TWF2: variants seen among roughly 807,000 people sequenced by gnomAD.
TWF2 encodes the protein twinfilin actin binding protein 2.
TWF2 carries 15 observed loss-of-function variants against 45.1 expected under a neutral mutation model. The ratio of observed to expected loss-of-function variants is 0.33; its 90% CI spans 0.22 to 0.51. The LOEUF (loss-of-function observed/expected upper bound fraction) is 0.51. Among genes scored for constraint, TWF2 ranks in the 20% least tolerant of loss-of-function variants. TWF2 has a pLI of 0.97. For synonymous variants in TWF2, 177 were observed against 195.8 expected, an observed-to-expected ratio of 0.90 and a Z score of 0.80; for missense variants, 423 against 469.1, an observed-to-expected ratio of 0.90 and a Z score of 0.91.
intron 1 of TWF2, 137 bp downstream of exon 1, chr3:52,238,855 G>A (rs1040778562): frequency 1.9e-5 from 24 of 1,268,240 alleles, no homozygotes; most frequent in Non-Finnish European, 2.2e-5. Flanking sequence ...GCCCACCCCA[G>A]GCGACCCGCG....
intron 2 of TWF2, among the ~76,000 whole-genome samples, chr3:52,233,711 G>A (rs1441537168): frequency 6.6e-6 from 1 of 152,086 alleles, no homozygotes; most frequent in Non-Finnish European, 1.5e-5. Context: ...GGCGGATCAC[G>A]AAGTCAGGAG....
intron 2 of TWF2, among the ~76,000 whole-genome samples, chr3:52,232,666 GACCCTGGAT>G (rs1451910753): frequency 6.6e-6 from 1 of 152,194 alleles, no homozygotes; most frequent in Non-Finnish European, 1.5e-5. Context: ...GCTCCTACCA[GACCCTGGAT>G]AAACAGACAT....
intron 2 of TWF2, among the ~76,000 whole-genome samples, chr3:52,232,444 C>A (rs1240781357): frequency 6.6e-6 from 1 of 152,228 alleles, no homozygotes. Context: ...ACGGACACCA[C>A]ACCCCTGGGT....
At position 52,239,025 on chromosome 3, in the gene TWF2, G is replaced by A. The variant is rs370508181; in HGVS notation, c.-9C>T. On this transcript the variant is annotated 5_prime_UTR_variant, in exon 1 of 9. Coordinates refer to ENST00000305533, the MANE Select transcript of TWF2 (RefSeq NM_007284.4). ...CCCGTTTGGTGCGCCATGGCTCGGC[G>A]CTTCGCTCCGTCCGCGCCGTCGGAG... The A allele has an allele frequency of 1.4e-5, 23 of 1,594,792 alleles. No individual in the cohort carries two copies. In the African/African-American group the frequency reaches 2.7e-4, roughly 19 times the overall value.
intron 1 of TWF2, among the ~76,000 whole-genome samples, chr3:52,236,540 G>A (rs1699727900): frequency 6.6e-6 from 1 of 152,188 alleles, no homozygotes; most frequent in Non-Finnish European, 1.5e-5. Flanking sequence ...GGCTGCCCAA[G>A]GGTCAGGGGA....
In TWF2 at chr3:52,229,065, C is replaced by A; in HGVS notation, c.1019G>T (p.Arg340Leu). ...GTCATCCCCATTTTCACCCGGGCCG[C>A]GGATGAGGCGCTTATGGCCCCGCTT... is the stretch of plus-strand genomic sequence containing the variant. The part of the protein sequence containing the change: ...GGKRGHKRLI[R>L]GPGENGDDS Residue 340 changes from arginine (R) to leucine (L), a missense_variant, in exon 9 of 9, where the codon CGC becomes CTC. Coordinates refer to ENST00000305533, the MANE Select transcript of TWF2 (RefSeq NM_007284.4). 6.2e-7 allele frequency: 1 copy of A among 1,612,524 alleles called. No individual in the cohort carries two copies. Among genetic ancestry groups the A allele is most frequent in the Non-Finnish European group, 8.5e-7 (1 of 1,179,986 alleles).
At position 52,230,181 on chromosome 3, in the gene TWF2, C is replaced by T. The variant is rs533512463; in HGVS notation, c.610-111G>A. ...GCTGGTGGGCAGGAGCCTGATGTGA[C>T]CTCCCTCTCCCAAGACTCCCCTGCA... On this transcript the variant is annotated intron_variant, in intron 6 of 8. Transcript: ENST00000305533. 99 of 1,371,264 alleles carry T rather than the reference C, an allele frequency of 7.2e-5. No individual in the cohort carries two copies. The East Asian group carries it at 2.1e-3, about 28-fold the overall frequency. 84.9% of individuals were successfully genotyped at this position (1,371,264 alleles called of 1,614,324 possible).
chr3:52,229,322 T>G, intron 8 of TWF2, 121 bp from the exon 9 acceptor site: 1 of 1,371,268 alleles, frequency 7.3e-7, no homozygotes, highest in African/African-American at 1.5e-5. Flanking sequence ...TCTCCTGAGG[T>G]CTCCCCTTGA....
In TWF2 at chr3:52,235,079, G is replaced by A. The variant is rs1699712794; in HGVS notation, c.53C>T (p.Ala18Val). The change falls in exon 2 of 9, where the codon GCC (alanine) becomes GTC (valine). Residue 18 changes from alanine (A) to valine (V), a missense_variant. Coordinates refer to ENST00000305533, the MANE Select transcript of TWF2 (RefSeq NM_007284.4). ...HATEELKEFFAKARAGSVRLI... is the reference protein window; with the variant it reads ...HATEELKEFFVKARAGSVRLI... ...CCGCACAGAGCCAGCCCGTGCCTTG[G>A]CAAAGAATTCCTTCAGCTCTTCCGT... 2 of 1,613,862 alleles carry A rather than the reference G, an allele frequency of 1.2e-6. No individual in the cohort carries two copies. Among genetic ancestry groups the A allele is most frequent in the Admixed American group, 3.3e-5 (2 of 60,008 alleles).
intron 1 of TWF2, 140 bp downstream of exon 1, chr3:52,238,852 C>G: frequency 8.0e-7 from 1 of 1,243,692 alleles, no homozygotes; most frequent in Non-Finnish European, 1.1e-6. Context: ...TGTGCCCACC[C>G]CAGGCGACCC....
rs754743093 is a variant in TWF2 at position 52,239,068 on chromosome 3, G to C, written c.-52C>G. ...CGTCGGAGCCCTCCGCTTGACCCTG[G>C]CCCGGCAACGCTCGCTGGACCAAGA... is the stretch of plus-strand genomic sequence containing the variant. On this transcript the variant is annotated 5_prime_UTR_variant, in exon 1 of 9. Transcript: ENST00000305533. 1.6e-5 allele frequency: 25 copies of C among 1,580,704 alleles called. 1 individual carries two copies. The highest frequency in any genetic ancestry group is 2.0e-4 in the Middle Eastern group (1 of 5,094).
intron 1 of TWF2, among the ~76,000 whole-genome samples, chr3:52,237,802 C>A (rs991822266): frequency 1.3e-5 from 2 of 152,236 alleles, no homozygotes; most frequent in African/African-American, 4.8e-5. Context: ...CTTCTCAGGG[C>A]AGCCCAGCCA....
intron 2 of TWF2, among the ~76,000 whole-genome samples, chr3:52,232,710 T>A (rs1320176924): frequency 6.6e-6 from 1 of 152,074 alleles, no homozygotes; most frequent in Non-Finnish European, 1.5e-5. Flanking sequence ...CCAGCTGCAG[T>A]CCCCTCGAAA....
chr3:52,236,369 T>C (rs1250968894), intron 1 of TWF2, among the ~76,000 whole-genome samples: 1 of 148,782 alleles, frequency 6.7e-6, no homozygotes, highest in Non-Finnish European at 1.5e-5. Context: ...TGAGAGCCAG[T>C]GAGTGACCAA....
chr3:52,230,813 C>G, intron 6 of TWF2, 57 bp downstream of exon 6: 1 of 1,578,576 alleles, frequency 6.3e-7, no homozygotes, highest in South Asian at 1.2e-5. Flanking sequence ...TGCACATGTG[C>G]ATGGGCAGGA....
At chr3:52,236,303 GAA>G (rs752685538) in intron 1 of TWF2, among the ~76,000 whole-genome samples, 3 of 105,496 alleles carry the variant, frequency 2.8e-5, no homozygotes, top group Admixed American at 1.0e-4. Context: ...CTCCGCCTCA[GAA>G]AAAAAAAAAA....
In TWF2 at chr3:52,228,728, G is replaced by A; in HGVS notation, c.*306C>T. 2.4e-6 allele frequency: 1 copy of A among 422,322 alleles called. No individual in the cohort carries two copies. The highest frequency in any genetic ancestry group is 4.3e-6 in the Non-Finnish European group (1 of 233,358). The allele number at this position is 422,322 out of a possible 1,614,324, so 26.2% of individuals were successfully genotyped here. A position where few individuals can be genotyped will look rare whatever the true frequency, so the allele number is the denominator to read the frequency against. On this transcript the variant is annotated 3_prime_UTR_variant, in exon 9 of 9. Transcript: ENST00000305533. ...TCTTGTGGCCAAAGGTTTCTGGGCT[G>A]TGCTGGGACCCTAGTCTCAGCTCCC...
In TWF2 at chr3:52,239,094, G is replaced by C. The variant is rs537908320; in HGVS notation, c.-78C>G. 2 of 1,527,528 alleles carry C rather than the reference G, an allele frequency of 1.3e-6. No homozygotes were observed. The highest frequency in any genetic ancestry group is 1.8e-6 in the Non-Finnish European group (2 of 1,138,694). 94.6% of individuals were successfully genotyped at this position (1,527,528 alleles called of 1,614,324 possible). ...CCCGGCAACGCTCGCTGGACCAAGA[G>C]AGGTGGAGGATGTGGCGGAGGCTGT... On this transcript the variant is annotated 5_prime_UTR_variant, in exon 1 of 9. Coordinates refer to ENST00000305533, the MANE Select transcript of TWF2 (RefSeq NM_007284.4).
At position 52,232,089 on chromosome 3, in the gene TWF2, A is replaced by G. The variant is rs750964094; in HGVS notation, c.137T>C (p.Val46Ala). ...GTCATAGTCCTGATCCCAGCGGCCT[A>G]CTGGCTCCTGCGAGGCACCCAGCAC... ...QLVLGASQEPVGRWDQDYDRA... is the reference protein window; with the variant it reads ...QLVLGASQEPAGRWDQDYDRA... The change falls in exon 3 of 9, where the codon GTA (valine) becomes GCA (alanine). Residue 46 changes from valine to alanine, a missense_variant. By Grantham distance (64) the Val-to-Ala change is moderately conservative. Coordinates refer to ENST00000305533, the MANE Select transcript of TWF2 (RefSeq NM_007284.4). The G allele has an allele frequency of 1.2e-6, 2 of 1,610,942 alleles. No individual in the cohort carries two copies. The highest frequency in any genetic ancestry group is 1.7e-5 in the Admixed American group (1 of 59,498).
Sources: gnomAD v4.1 joint callset for allele counts (sites outside exome capture counted in the v4.1 genomes callset) on GRCh38, gnomAD v4.1.1 for gene constraint, MANE v1.5 for transcripts, NCBI Gene and HGNC (gene_info 2026-07-23, HGNC 2026-07-21) for gene names.